Variants in DDR2 observed in about 807,000 individuals in gnomAD.
The protein encoded by DDR2 is discoidin domain-containing receptor 2.
DDR2 carries 27 observed loss-of-function variants against 94.9 expected under a neutral mutation model. The observed-to-expected ratio is 0.28, with a 90% CI of 0.21 to 0.39. The LOEUF (loss-of-function observed/expected upper bound fraction) is 0.39, where lower values mean the gene tolerates loss of function less well. Ranked by LOEUF, DDR2 falls within the 10% of genes least tolerant of loss-of-function variation. DDR2 has a pLI of 1.00. For synonymous variants in DDR2, 382 were observed against 377.2 expected (o/e 1.01, Z -0.15); for missense variants, 783 against 1,076.0 (o/e 0.73, Z 3.81).
chr1:162,649,910 T>C (rs1202225603), intron 1 of DDR2, among the ~76,000 whole-genome samples: 1 of 152,182 alleles, frequency 6.6e-6, no homozygotes, highest in Non-Finnish European at 1.5e-5. Flanking sequence ...CAGTTAACCC[T>C]TTGGGTTTGG....
At position 162,686,825 on chromosome 1, in the gene DDR2, G is replaced by A. The variant is rs549042363; in HGVS notation, c.-28+31451G>A. 1.5e-4 allele frequency among the ~76,000 whole-genome samples: 23 copies of A among 152,264 alleles called. No individual in the cohort carries two copies. The South Asian group carries it at 3.9e-3, about 26-fold the overall frequency. ...ACTCCTAACCTCAGGTTATCTGCCC[G>A]CCTTGGCCTCCCAAAGTACTGGGAT... On this transcript the variant is annotated intron_variant, in intron 2 of 17. Transcript: ENST00000367921.
rs1450948899 is a variant in DDR2, at chr1:162,753,133, A to C, written c.121A>C (p.Ile41Leu). The part of the protein sequence containing the change: ...RYPLGMSGGQ[I>L]PDEDITASSQ... The stretch of plus-strand genomic sequence containing the variant: ...TCCTCTGGGCATGTCAGGAGGCCAG[A>C]TTCCAGATGAGGACATCACAGCTTC... The change falls in exon 4 of 18, where the codon ATT becomes CTT. Residue 41 changes from isoleucine (I) to leucine (L), a missense_variant. Ile to Leu is a conservative substitution (Grantham distance 5). This residue lies in a region of DDR2 where 519 missense variants were observed against 647.9 expected (regional missense o/e 0.80). Transcript: ENST00000367921. 3 of 1,613,676 alleles carry C rather than the reference A, an allele frequency of 1.9e-6. No homozygotes were observed. The East Asian group carries it at 6.7e-5, about 36-fold the overall frequency.
intron 1 of DDR2, among the ~76,000 whole-genome samples, chr1:162,634,637 C>T (rs1367028121): frequency 3.3e-5 from 5 of 152,286 alleles, no homozygotes; most frequent in East Asian, 1.9e-4. Flanking sequence ...TCCTCCCTCC[C>T]GGGGGAATAT....
chr1:162,662,658 G>A (rs1421251668), intron 2 of DDR2, among the ~76,000 whole-genome samples: 2 of 152,110 alleles, frequency 1.3e-5, no homozygotes, highest in Non-Finnish European at 2.9e-5. Context: ...CCTAAAGCAT[G>A]TGTTTCTCAT....
rs113389753 is a variant in DDR2, at chr1:162,739,622, G to A, written c.83-13473G>A. Among the ~76,000 whole-genome samples the A allele has an allele frequency of 5.3e-4, 81 of 152,146 alleles. No individual in the cohort carries two copies. In the East Asian group the frequency reaches 8.9e-3, roughly 17 times the overall value. On this transcript the variant is annotated intron_variant, in intron 3 of 17. Coordinates refer to ENST00000367921, the MANE Select transcript of DDR2 (RefSeq NM_006182.4). ...ATGCCTGGCCCACATTTTCTTTATC[G>A]AATCCACTATTGATGGGCACCTAGG...
intron 2 of DDR2, among the ~76,000 whole-genome samples, chr1:162,718,772 A>G (rs1661283008): frequency 6.6e-6 from 1 of 152,136 alleles, no homozygotes; most frequent in African/African-American, 2.4e-5. Context: ...ATCTTAGGAA[A>G]ACTTCGTGTG....
intron 2 of DDR2, among the ~76,000 whole-genome samples, chr1:162,658,570 T>C (rs4657216): frequency 0.91 from 137,537 of 150,976 alleles, 63,254 homozygotes; most frequent in Middle Eastern, 0.98. Flanking sequence ...GGCTCACGTC[T>C]GTAGTCCCAG....
chr1:162,726,908 G>A (rs1052332399), intron 3 of DDR2, among the ~76,000 whole-genome samples: 1 of 151,242 alleles, frequency 6.6e-6, no homozygotes, highest in Non-Finnish European at 1.5e-5. Flanking sequence ...AAGCTGACAA[G>A]AACTCTAGGG....
chr1:162,762,664 C>T (rs901515236), intron 9 of DDR2, among the ~76,000 whole-genome samples: 15 of 152,308 alleles, frequency 9.8e-5, no homozygotes, highest in Middle Eastern at 3.4e-3. Flanking sequence ...GAGCAGCATA[C>T]GTGACTTATC....
intron 2 of DDR2, among the ~76,000 whole-genome samples, chr1:162,699,104 A>C (rs905908259): frequency 6.6e-6 from 1 of 152,250 alleles, no homozygotes; most frequent in African/African-American, 2.4e-5. Context: ...GAAGGCTGGC[A>C]TAGGCTTCTA....
At chr1:162,767,136 C>T in intron 10 of DDR2, 93 bp from the exon 11 acceptor site, 1 of 1,566,286 alleles carries the variant, frequency 6.4e-7, no homozygotes, top group Non-Finnish European at 8.8e-7. Flanking sequence ...CCTCAAGGAA[C>T]AGGGTCTACC....
At chr1:162,746,531 C>T (rs1208745266) in intron 3 of DDR2, among the ~76,000 whole-genome samples, 1 of 152,234 alleles carries the variant, frequency 6.6e-6, no homozygotes, top group African/African-American at 2.4e-5. Context: ...CTGTAGACGC[C>T]ACCTCTGTGG....
At chr1:162,677,258 C>G (rs947661939) in intron 2 of DDR2, among the ~76,000 whole-genome samples, 1 of 152,092 alleles carries the variant, frequency 6.6e-6, no homozygotes, top group East Asian at 1.9e-4. Context: ...GCTTCCTACC[C>G]CAGGGGGCCA....
chr1:162,746,278 C>T (rs149017295), intron 3 of DDR2, among the ~76,000 whole-genome samples: 1,709 of 152,284 alleles, frequency 0.011, 35 homozygotes, highest in African/African-American at 0.038. Flanking sequence ...CCTAATACTG[C>T]GCTTTTCCAA....
At chr1:162,736,772 G>T (rs112053683) in intron 3 of DDR2, among the ~76,000 whole-genome samples, 4 of 152,168 alleles carry the variant, frequency 2.6e-5, no homozygotes, top group Non-Finnish European at 4.4e-5. Flanking sequence ...GGGCAGTGTG[G>T]TATTTCACTT....
intron 2 of DDR2, among the ~76,000 whole-genome samples, chr1:162,657,941 C>T (rs1391884722): frequency 4.6e-5 from 7 of 152,000 alleles, no homozygotes; most frequent in East Asian, 1.9e-4. Context: ...CTCTTTCCAT[C>T]GCCTTCTCTT....
chr1:162,701,885 A>T (rs1660447412), intron 2 of DDR2, among the ~76,000 whole-genome samples: 1 of 152,222 alleles, frequency 6.6e-6, no homozygotes, highest in African/African-American at 2.4e-5. Context: ...GAAGACCAAC[A>T]TTAAGTCCCA....
At chr1:162,718,268 C>A (rs1044679335) in intron 2 of DDR2, among the ~76,000 whole-genome samples, 1 of 152,054 alleles carries the variant, frequency 6.6e-6, no homozygotes, top group African/African-American at 2.4e-5. Context: ...GCTCCATTCC[C>A]AGAATCAGCC....
chr1:162,780,065 TTCTCTC>T (rs555765842), intron 17 of DDR2, 41 bp from the exon 18 acceptor site: 11 of 1,577,946 alleles, frequency 7.0e-6, no homozygotes, highest in Non-Finnish European at 9.5e-6. Context: ...CTTTGTAATA[TTCTCTC>T]TCTCTCTCTC....
Sources: gnomAD v4.1 joint callset for allele counts (sites outside exome capture counted in the v4.1 genomes callset) on GRCh38, gnomAD v4.1.1 for gene constraint, gnomAD v4.1.1 regional missense constraint, MANE v1.5 for transcripts, NCBI Gene and HGNC (gene_info 2026-07-23, HGNC 2026-07-21) for gene names.